The following ANXA3 variants were observed in gnomAD, a reference collection of about 807,000 sequenced individuals.
The protein encoded by ANXA3 is annexin A3, also known as 35-alpha calcimedin.
A neutral mutation model predicts 48.8 loss-of-function variants in ANXA3; 46 were observed. The ratio of observed to expected loss-of-function variants is 0.94; its 90% CI spans 0.74 to 1.21. ANXA3 has a LOEUF of 1.21. Among genes scored for constraint, ANXA3 ranks in the 50% most tolerant of loss-of-function variants. ANXA3 has a pLI of 0.00. For synonymous variants in ANXA3, 128 were observed against 134.7 expected (o/e 0.95, Z 0.35); for missense variants, 383 against 378.6 (o/e 1.01, Z -0.10).
chr4:78,598,226 C>T (rs1723462379), intron 10 of ANXA3, among the ~76,000 whole-genome samples: 1 of 151,178 alleles, frequency 6.6e-6, no homozygotes. Context: ...AGACCTAAGC[C>T]AGTTTGGTAA....
chr4:78,591,247 A>G (rs1397701746), intron 6 of ANXA3, among the ~76,000 whole-genome samples: 4 of 152,130 alleles, frequency 2.6e-5, no homozygotes, highest in Non-Finnish European at 5.9e-5. Context: ...TAGCTCATCC[A>G]CCCCAGCTTT....
intron 10 of ANXA3, among the ~76,000 whole-genome samples, chr4:78,601,217 G>A (rs1341305993): frequency 1.3e-5 from 2 of 152,200 alleles, no homozygotes; most frequent in Non-Finnish European, 2.9e-5. Flanking sequence ...GGTGTTCGGG[G>A]TGTCTGGGAT....
chr4:78,594,256 T>C (rs1723367767), intron 7 of ANXA3, among the ~76,000 whole-genome samples: 1 of 152,244 alleles, frequency 6.6e-6, no homozygotes, highest in Non-Finnish European at 1.5e-5. Flanking sequence ...TACTGAGTAG[T>C]ATTCCATTGT....
chr4:78,552,739 C>A (rs977862359), intron 1 of ANXA3, among the ~76,000 whole-genome samples: 3 of 152,196 alleles, frequency 2.0e-5, no homozygotes, highest in Non-Finnish European at 4.4e-5. Flanking sequence ...TTACTATGTT[C>A]ACCAACATCA....
intron 2 of ANXA3, among the ~76,000 whole-genome samples, chr4:78,563,939 C>A (rs957404099): frequency 3.3e-5 from 5 of 152,178 alleles, no homozygotes; most frequent in Non-Finnish European, 5.9e-5. Context: ...GTCTTCAAAT[C>A]TTTGTGACCC....
chr4:78,588,375 A>G (rs1723221392), intron 6 of ANXA3, among the ~76,000 whole-genome samples: 1 of 152,184 alleles, frequency 6.6e-6, no homozygotes, highest in Non-Finnish European at 1.5e-5. Flanking sequence ...CCTGCGTGAC[A>G]GAGTGAGACC....
intron 7 of ANXA3, among the ~76,000 whole-genome samples, chr4:78,592,713 A>G (rs1169577762): frequency 1.3e-5 from 2 of 152,228 alleles, no homozygotes; most frequent in Non-Finnish European, 2.9e-5. Context: ...TGTAAAACTA[A>G]AATACTAACA....
At chr4:78,595,767 T>A (rs1166441983) in intron 8 of ANXA3, 27 bp from the exon 9 acceptor site, 3 of 1,392,918 alleles carry the variant, frequency 2.2e-6, no homozygotes, top group Non-Finnish European at 2.0e-6. Context: ...AATAATTGTG[T>A]CTCTAATATC....
intron 2 of ANXA3, among the ~76,000 whole-genome samples, chr4:78,565,771 A>C (rs983341588): frequency 6.6e-6 from 1 of 152,234 alleles, no homozygotes; most frequent in South Asian, 2.1e-4. Flanking sequence ...TTTGAGGATT[A>C]AATGATCAGG....
At chr4:78,562,600 A>G (rs1183586470) in intron 2 of ANXA3, among the ~76,000 whole-genome samples, 2 of 152,232 alleles carry the variant, frequency 1.3e-5, no homozygotes, top group African/African-American at 4.8e-5. Context: ...ACTAATATTT[A>G]CTAACTATCT....
intron 7 of ANXA3, among the ~76,000 whole-genome samples, chr4:78,595,043 G>A (rs954671256): frequency 3.3e-5 from 5 of 152,180 alleles, no homozygotes; most frequent in African/African-American, 7.2e-5. Flanking sequence ...AGGCTGAAGC[G>A]GGAAGATGGC....
intron 1 of ANXA3, chr4:78,552,166 A>G (rs1279677147): frequency 6.6e-6 from 1 of 152,342 alleles, no homozygotes; most frequent in Non-Finnish European, 1.5e-5. Context: ...TCGCTCCCTG[A>G]AAGCTTCGCT....
At chr4:78,582,376 G>A in intron 5 of ANXA3, 86 bp downstream of exon 5, 2 of 857,562 alleles carry the variant, frequency 2.3e-6, no homozygotes, top group Non-Finnish European at 3.8e-6. Flanking sequence ...CACTTGTGAT[G>A]GGTGGACTTG....
At chr4:78,571,830 A>C (rs566145008) in intron 2 of ANXA3, among the ~76,000 whole-genome samples, 2 of 152,340 alleles carry the variant, frequency 1.3e-5, no homozygotes, top group African/African-American at 2.4e-5. Flanking sequence ...ACATGCTTCT[A>C]ATTTACATGC....
chr4:78,583,068 G>A, intron 5 of ANXA3, among the ~76,000 whole-genome samples: 1 of 152,204 alleles, frequency 6.6e-6, no homozygotes. Flanking sequence ...GCCAGGTGCT[G>A]TGGCTCTTGC....
At chr4:78,551,923 T>C (rs1722394349) in intron 1 of ANXA3, 64 bp downstream of exon 1, 1 of 152,280 alleles carries the variant, frequency 6.6e-6, no homozygotes, top group Admixed American at 6.5e-5. Context: ...GACGGGTGGC[T>C]TGGGGAGGTC....
intron 2 of ANXA3, 185 bp from the exon 3 acceptor site, chr4:78,572,995 C>A (rs573772140): frequency 6.6e-5 from 47 of 706,906 alleles, no homozygotes; most frequent in South Asian, 6.2e-4. Context: ...TGGAGTCAAC[C>A]ATGTCAGATT....
chr4:78,584,985 G>A (rs549752583), intron 5 of ANXA3, among the ~76,000 whole-genome samples: 49 of 152,310 alleles, frequency 3.2e-4, no homozygotes, highest in South Asian at 2.1e-3. Context: ...CTGCCCTTTG[G>A]AGGAGTTCTG....
chr4:78,578,874 A>AATAAATAAATAAATAAATAT (rs1560445047), intron 3 of ANXA3, among the ~76,000 whole-genome samples, 153 bp from the exon 4 acceptor site: 1 of 151,878 alleles, frequency 6.6e-6, no homozygotes, highest in African/African-American at 2.4e-5. Context: ...TAAATAAATA[A>AATAAATAAATAAATAAATAT]ATAAATAAAT....
Sources: allele counts gnomAD v4.1 joint callset (sites outside exome capture counted in the v4.1 genomes callset), GRCh38; gene constraint gnomAD v4.1.1; transcripts MANE v1.5; gene names NCBI Gene and HGNC (gene_info 2026-07-23, HGNC 2026-07-21).